The following HMCN1 variants were observed in gnomAD, a reference collection of about 807,000 sequenced individuals.
HMCN1 encodes hemicentin-1.
Under a neutral mutation model 625.9 loss-of-function variants are expected in HMCN1, and 321 were observed. The ratio of observed to expected loss-of-function variants is 0.51; its 90% CI spans 0.47 to 0.56. HMCN1 has a LOEUF of 0.56. Among genes scored for constraint, HMCN1 ranks in the 20% least tolerant of loss-of-function variants. The pLI is 0.00. For synonymous variants in HMCN1, 2,425 were observed against 2,417.6 expected (o/e 1.00, Z -0.09); for missense variants, 6,588 against 6,887.3 (o/e 0.96, Z 1.54).
chr1:186,144,674 G>A lies in HMCN1; in HGVS notation c.14237G>A (p.Ser4746Asn), dbSNP rs770756847. 7 of 1,614,014 alleles carry A rather than the reference G, an allele frequency of 4.3e-6. No homozygotes were observed. The Admixed American group carries it at 8.3e-5, about 19-fold the overall frequency. ...GRKCEGSDVQ[S>N]DFCNSDPCPT... is the part of the protein sequence containing the mutation. ...AAATGCGAAGGGAGTGATGTCCAGA[G>A]TGATTTTTGCAACAGTGACCCTTGC... Residue 4746 changes from serine (S) to asparagine (N), a missense_variant, in exon 91 of 107, where the codon AGT becomes AAT. Ser to Asn is a conservative substitution (Grantham distance 46). Transcript: ENST00000271588.
rs772110732 is a variant in HMCN1, at chr1:186,069,688, T to C, written c.7905T>C (p.Asn2635=). Residue 2635 remains asparagine, a synonymous_variant, in exon 51 of 107, where the codon AAT becomes AAC. Coordinates refer to ENST00000271588, the MANE Select transcript of HMCN1 (RefSeq NM_031935.3). ...LPGGRTLQIL[N]AQEDNAGRYS... ...GAGGCAGAACTCTGCAGATCCTCAATGCACAGGAGGACAATGCTGGAAGAT... is the reference window on the plus strand; with the variant it reads ...GAGGCAGAACTCTGCAGATCCTCAACGCACAGGAGGACAATGCTGGAAGAT... 1 of 1,612,826 alleles carries C rather than the reference T, an allele frequency of 6.2e-7. No individual in the cohort carries two copies. The highest frequency in any genetic ancestry group is 1.7e-4 in the Middle Eastern group (1 of 6,058).
At position 185,989,715 on chromosome 1, in the gene HMCN1, C is replaced by T. The variant is rs1015972200; in HGVS notation, c.3208+68C>T. ...CTGTGCCAAAACTCACAGTTCTTTC[C>T]CCAATACTGTTACCAGATGCATGTA... is the stretch of plus-strand genomic sequence containing the variant. On this transcript the variant is annotated intron_variant, in intron 21 of 106. Transcript: ENST00000271588. The T allele has an allele frequency of 9.6e-6, 14 of 1,457,772 alleles. No individual in the cohort carries two copies. In the South Asian group the frequency reaches 1.3e-4, roughly 13 times the overall value. 90.3% of individuals were successfully genotyped at this position (1,457,772 alleles called of 1,614,324 possible). A position where few individuals can be genotyped will look rare whatever the true frequency, so the allele number is the denominator to read the frequency against.
At chr1:185,844,029 T>C (rs1661654181) in intron 1 of HMCN1, among the ~76,000 whole-genome samples, 1 of 152,218 alleles carries the variant, frequency 6.6e-6, no homozygotes, top group Non-Finnish European at 1.5e-5. Flanking sequence ...TAGTATTCTT[T>C]GTATTTCTTT....
chr1:186,137,855 G>A lies in HMCN1; in HGVS notation c.13807G>A (p.Gly4603Arg). ...TTGGGAAGAATGCACAAGGAGCTGT[G>A]GACGCGGCAACCAAACCAGGACCAG... ...SLWEECTRSC[G>R]RGNQTRTRTC... Residue 4603 changes from glycine (G) to arginine (R), a missense_variant, in exon 89 of 107, where the codon GGA (glycine) becomes AGA (arginine). By Grantham distance (125) the Gly-to-Arg change is moderately radical. Coordinates refer to ENST00000271588, the MANE Select transcript of HMCN1 (RefSeq NM_031935.3). 6.2e-7 allele frequency: 1 copy of A among 1,614,070 alleles called. No individual in the cohort carries two copies. Among genetic ancestry groups the A allele is most frequent in the Non-Finnish European group, 8.5e-7 (1 of 1,179,978 alleles).
chr1:185,882,522 A>G (rs1036100520), intron 4 of HMCN1, among the ~76,000 whole-genome samples: 3 of 151,976 alleles, frequency 2.0e-5, no homozygotes, highest in Non-Finnish European at 4.4e-5. Context: ...GTTTTTTTAA[A>G]AAAGTTTGAA....
intron 36 of HMCN1, among the ~76,000 whole-genome samples, chr1:186,035,582 C>T (rs1655766503): frequency 6.6e-6 from 1 of 151,884 alleles, no homozygotes; most frequent in Non-Finnish European, 1.5e-5. Context: ...AAGTACTGTA[C>T]TGCTTTAGTG....
intron 82 of HMCN1, among the ~76,000 whole-genome samples, chr1:186,127,818 A>T (rs572617717): frequency 1.3e-5 from 2 of 152,262 alleles, no homozygotes; most frequent in Admixed American, 1.3e-4. Context: ...TATCTAGCAA[A>T]CCACAGAAAC....
At chr1:186,021,249 G>T (rs1006181221) in intron 35 of HMCN1, among the ~76,000 whole-genome samples, 4 of 152,032 alleles carry the variant, frequency 2.6e-5, no homozygotes, top group Non-Finnish European at 2.9e-5. Context: ...GGATTCCAAC[G>T]TACACAACTG....
chr1:186,065,261 T>C lies in HMCN1; in HGVS notation c.7537T>C (p.Trp2513Arg). 1 of 1,612,366 alleles carries C rather than the reference T, an allele frequency of 6.2e-7. No homozygotes were observed. Among genetic ancestry groups the C allele is most frequent in the South Asian group, 1.1e-5 (1 of 91,004 alleles). ...AGGGAATCCAGTGCCAGAAATTACA[T>C]GGCACAAAGATGGGCAGCCCCTCCA... ...VTGNPVPEIT[W>R]HKDGQPLQED... Residue 2513 changes from tryptophan (W) to arginine (R), a missense_variant, in exon 49 of 107, where the codon TGG (tryptophan) becomes CGG (arginine). Physicochemically the swap from Trp to Arg is moderately radical, Grantham distance 101. Transcript: ENST00000271588.
chr1:185,864,891 C>T (rs769278701), intron 3 of HMCN1, among the ~76,000 whole-genome samples: 13 of 152,128 alleles, frequency 8.5e-5, no homozygotes, highest in Non-Finnish European at 1.9e-4. Flanking sequence ...TCATCTTTTC[C>T]TTATAACTGA....
At position 185,841,971 on chromosome 1, in the gene HMCN1, A is replaced by G. The variant is rs545148472; in HGVS notation, c.269-4055A>G. ...CTTGATATATAGAACTTAAAAAGAAATCAGTATGAATAAATAACTTTTGTT... is the reference window on the plus strand; with the variant it reads ...CTTGATATATAGAACTTAAAAAGAAGTCAGTATGAATAAATAACTTTTGTT... On this transcript the variant is annotated intron_variant, in intron 1 of 106. Coordinates refer to ENST00000271588, the MANE Select transcript of HMCN1 (RefSeq NM_031935.3). Among the ~76,000 whole-genome samples, 63 of 152,212 alleles carry G rather than the reference A, an allele frequency of 4.1e-4. 1 individual carries two copies. Among genetic ancestry groups the G allele is most frequent in the African/African-American group, 1.7e-4 (7 of 41,458 alleles).
intron 1 of HMCN1, among the ~76,000 whole-genome samples, chr1:185,820,659 G>A (rs2102267357): frequency 6.6e-6 from 1 of 152,220 alleles, no homozygotes; most frequent in East Asian, 1.9e-4. Context: ...GTGCATATTA[G>A]TCTTTAAAGC....
At position 186,159,713 on chromosome 1, in the gene HMCN1, A is replaced by G. The variant is rs1052163970; in HGVS notation, c.15257-5398A>G. On this transcript the variant is annotated intron_variant, in intron 97 of 106. Coordinates refer to ENST00000271588, the MANE Select transcript of HMCN1 (RefSeq NM_031935.3). ...TTGTCTTTGGTTCTGTTTATATGCT[A>G]GATTACATTTATTGATTTGCGTATA... Among the ~76,000 whole-genome samples, 164 of 152,142 alleles carry G rather than the reference A, an allele frequency of 1.1e-3. No homozygotes were observed. In the Middle Eastern group the frequency reaches 0.017, roughly 16 times the overall value.
rs1204266385 is a variant in HMCN1 at position 186,000,047 on chromosome 1, A to G, written c.3877A>G (p.Thr1293Ala). The change falls in exon 26 of 107, where the codon ACC becomes GCC. Residue 1293 changes from threonine (T) to alanine (A), a missense_variant and splice_region_variant. Physicochemically the swap from Thr to Ala is moderately conservative, Grantham distance 58. Around this residue, in one of 3 missense-constraint regions of HMCN1, gnomAD observed 4,628 missense variants for 4,853.1 expected, o/e 0.95. Coordinates refer to ENST00000271588, the MANE Select transcript of HMCN1 (RefSeq NM_031935.3). ...CAAGACTTTAATTTCTTATTTAGGTACCCCTAAACCAACCATCAAATGGTT... is the reference window on the plus strand; with the variant it reads ...CAAGACTTTAATTTCTTATTTAGGTGCCCCTAAACCAACCATCAAATGGTT... ...RIEFPCPAKG[T>A]PKPTIKWLHN... The G allele has an allele frequency of 3.7e-6, 6 of 1,601,052 alleles. No homozygotes were observed. The highest frequency in any genetic ancestry group is 5.1e-6 in the Non-Finnish European group (6 of 1,170,246).
At position 185,923,555 on chromosome 1, in the gene HMCN1, C is replaced by T; in HGVS notation, c.1187C>T (p.Pro396Leu). 2 of 1,610,942 alleles carry T rather than the reference C, an allele frequency of 1.2e-6. No individual in the cohort carries two copies. The highest frequency in any genetic ancestry group is 1.7e-6 in the Non-Finnish European group (2 of 1,177,908). The change falls in exon 8 of 107, where the codon CCA becomes CTA. Residue 396 changes from proline to leucine, a missense_variant. Physicochemically the swap from Pro to Leu is moderately conservative, Grantham distance 98. Coordinates refer to ENST00000271588, the MANE Select transcript of HMCN1 (RefSeq NM_031935.3). The part of the protein sequence containing the change: ...YGIWNISDFV[P>L]PNEAFFLKVT... ...ATATGGAATATTTCTGACTTTGTAC[C>T]ACCAAATGAAGCTTTCTTTCTCAAA...
chr1:186,045,324 T>C (rs1005702195), intron 40 of HMCN1, among the ~76,000 whole-genome samples: 3 of 152,166 alleles, frequency 2.0e-5, no homozygotes, highest in South Asian at 2.1e-4. Context: ...AAATAAATAT[T>C]GAATGCGTAT....
chr1:185,756,061 C>T lies in HMCN1; in HGVS notation c.268+21014C>T, dbSNP rs184981088. Among the ~76,000 whole-genome samples, 62 of 152,196 alleles carry T rather than the reference C, an allele frequency of 4.1e-4. No individual in the cohort carries two copies. In the East Asian group the frequency reaches 0.012, roughly 29 times the overall value. ...TACTCTGTGGGCTCTTCTAGAATAT[C>T]AGATCCACAGGATGGACAAAAAGCA... On this transcript the variant is annotated intron_variant, in intron 1 of 106. Transcript: ENST00000271588.
chr1:185,836,745 T>C (rs1042597115), intron 1 of HMCN1, among the ~76,000 whole-genome samples: 2 of 152,112 alleles, frequency 1.3e-5, no homozygotes, highest in Non-Finnish European at 2.9e-5. Flanking sequence ...ATAAGCATAG[T>C]ACCCAACAGG....
chr1:186,130,939 G>C (rs1215661625), intron 85 of HMCN1, among the ~76,000 whole-genome samples: 1 of 152,132 alleles, frequency 6.6e-6, no homozygotes, highest in Non-Finnish European at 1.5e-5. Flanking sequence ...TTAACATTTG[G>C]AGATAACTTC....
Sources: gnomAD v4.1 joint callset for allele counts (sites outside exome capture counted in the v4.1 genomes callset) on GRCh38, gnomAD v4.1.1 for gene constraint, gnomAD v4.1.1 regional missense constraint, MANE v1.5 for transcripts, NCBI Gene and HGNC (gene_info 2026-07-23, HGNC 2026-07-21) for gene names.